GSG1L: variants seen among roughly 807,000 people sequenced by gnomAD.
GSG1L encodes the protein GSG1 like.
A neutral mutation model predicts 42.1 loss-of-function variants in GSG1L; 24 were observed. The observed-to-expected ratio is 0.57, with a 90% CI of 0.41 to 0.80. GSG1L has a LOEUF of 0.80. GSG1L is among the 30% of genes least tolerant of loss of function. GSG1L has a pLI of 0.00. For missense variants in GSG1L, 445 were observed against 472.2 expected (o/e 0.94, Z 0.53); for synonymous variants, 215 against 203.5 (o/e 1.06, Z -0.48).
chr16:27,875,980 C>G (rs2083882528), intron 3 of GSG1L, among the ~76,000 whole-genome samples: 1 of 152,186 alleles, frequency 6.6e-6, no homozygotes, highest in Admixed American at 6.5e-5. Flanking sequence ...AGCCCACCCC[C>G]TCCACTTTTC....
chr16:27,898,103 A>T (rs942067866), intron 2 of GSG1L, among the ~76,000 whole-genome samples: 2 of 152,228 alleles, frequency 1.3e-5, no homozygotes, highest in Non-Finnish European at 2.9e-5. Context: ...TCTCTGGCAG[A>T]CGTGCCCTTT....
At chr16:28,047,005 C>T (rs925791622) in intron 1 of GSG1L, among the ~76,000 whole-genome samples, 1 of 152,216 alleles carries the variant, frequency 6.6e-6, no homozygotes, top group Non-Finnish European at 1.5e-5. Flanking sequence ...GGAACCTAGT[C>T]ATCCTCTTCA....
intron 1 of GSG1L, among the ~76,000 whole-genome samples, chr16:28,024,317 G>T (rs534360347): frequency 6.6e-6 from 1 of 152,278 alleles, no homozygotes; most frequent in South Asian, 2.1e-4. Context: ...GAGGAAATTA[G>T]CTCGAAATGG....
At chr16:27,983,734 GC>G (rs2085349765) in intron 1 of GSG1L, among the ~76,000 whole-genome samples, 1 of 152,102 alleles carries the variant, frequency 6.6e-6, no homozygotes, top group Non-Finnish European at 1.5e-5. Flanking sequence ...CCAAGAGCAT[GC>G]TTTGAAAGAG....
At chr16:27,955,536 C>T (rs968405345) in intron 2 of GSG1L, among the ~76,000 whole-genome samples, 1 of 152,064 alleles carries the variant, frequency 6.6e-6, no homozygotes, top group African/African-American at 2.4e-5. Context: ...GTCTGGAAGA[C>T]AAGGGAGCAG....
chr16:27,876,957 C>A (rs1460368032), intron 3 of GSG1L, among the ~76,000 whole-genome samples: 1 of 152,186 alleles, frequency 6.6e-6, no homozygotes, highest in Admixed American at 6.5e-5. Context: ...TCTCTTTGTG[C>A]CAGTGCTGTT....
chr16:28,058,399 C>G (rs992158265), intron 1 of GSG1L, among the ~76,000 whole-genome samples: 2 of 152,160 alleles, frequency 1.3e-5, no homozygotes, highest in African/African-American at 4.8e-5. Flanking sequence ...GAGGCCGAGG[C>G]AAGCGGATCG....
intron 1 of GSG1L, among the ~76,000 whole-genome samples, chr16:27,983,409 C>T (rs901722980): frequency 6.6e-6 from 1 of 152,016 alleles, no homozygotes; most frequent in African/African-American, 2.4e-5. Context: ...CATTTCAGGG[C>T]TTATTTGTTA....
At chr16:27,840,300 G>T (rs1483113118) in intron 4 of GSG1L, among the ~76,000 whole-genome samples, 3 of 152,030 alleles carry the variant, frequency 2.0e-5, no homozygotes, top group Admixed American at 2.0e-4. Flanking sequence ...GCCTCCCAAG[G>T]TGCTGGGATT....
At chr16:27,823,662 A>G (rs1216066660) in intron 5 of GSG1L, among the ~76,000 whole-genome samples, 1 of 152,108 alleles carries the variant, frequency 6.6e-6, no homozygotes, top group Admixed American at 6.5e-5. Flanking sequence ...GCATCATACC[A>G]GAAACCCACT....
chr16:27,821,505 C>T (rs2083150391), intron 5 of GSG1L, among the ~76,000 whole-genome samples: 1 of 152,112 alleles, frequency 6.6e-6, no homozygotes, highest in Admixed American at 6.5e-5. Flanking sequence ...CAGTGATTAG[C>T]TCCCACTTAT....
chr16:27,801,616 C>T (rs1448744897), intron 6 of GSG1L, among the ~76,000 whole-genome samples: 3 of 152,198 alleles, frequency 2.0e-5, no homozygotes, highest in Non-Finnish European at 4.4e-5. Context: ...TTTCCATACT[C>T]ATTTGATCGG....
intron 1 of GSG1L, among the ~76,000 whole-genome samples, chr16:28,044,124 C>G (rs1228547471): frequency 6.6e-6 from 1 of 152,088 alleles, no homozygotes; most frequent in Non-Finnish European, 1.5e-5. Context: ...AATTAAAAAC[C>G]CAACATTTTT....
At chr16:28,062,376 C>T (rs1305191756) in intron 1 of GSG1L, among the ~76,000 whole-genome samples, 1 of 152,188 alleles carries the variant, frequency 6.6e-6, no homozygotes, top group African/African-American at 2.4e-5. Context: ...TAAGCTAAGC[C>T]CTCCTGGACT....
At chr16:27,908,253 AGTCT>A (rs2084342656) in intron 2 of GSG1L, among the ~76,000 whole-genome samples, 1 of 152,250 alleles carries the variant, frequency 6.6e-6, no homozygotes, top group African/African-American at 2.4e-5. Flanking sequence ...TCAGCCAAAC[AGTCT>A]GTCTGTGCCT....
chr16:28,010,805 G>A (rs866316577), intron 1 of GSG1L, among the ~76,000 whole-genome samples: 4 of 152,152 alleles, frequency 2.6e-5, no homozygotes, highest in East Asian at 3.9e-4. Flanking sequence ...AGTGGGGAGC[G>A]TGTCATCTAG....
At chr16:27,810,502 C>G (rs911797223) in intron 5 of GSG1L, among the ~76,000 whole-genome samples, 2 of 152,080 alleles carry the variant, frequency 1.3e-5, no homozygotes, top group Non-Finnish European at 2.9e-5. Flanking sequence ...TTGAATAACA[C>G]TACACAAGGA....
chr16:27,905,203 G>A (rs1309234690), intron 2 of GSG1L, among the ~76,000 whole-genome samples: 3 of 152,096 alleles, frequency 2.0e-5, no homozygotes, highest in South Asian at 4.1e-4. Context: ...GCTTCTAGCC[G>A]AGCATGGTCT....
chr16:27,975,709 G>A (rs999842324), intron 1 of GSG1L, among the ~76,000 whole-genome samples: 3 of 152,124 alleles, frequency 2.0e-5, no homozygotes, highest in Admixed American at 2.0e-4. Context: ...ATATCTGAAG[G>A]TGTCTGAATT....
Sources: allele counts gnomAD v4.1 joint callset (sites outside exome capture counted in the v4.1 genomes callset), GRCh38; gene constraint gnomAD v4.1.1; transcripts MANE v1.5; gene names NCBI Gene and HGNC (gene_info 2026-07-23, HGNC 2026-07-21).